LINGO2: variants seen among roughly 807,000 people sequenced by gnomAD.
LINGO2 encodes the protein leucine rich repeat and Ig domain containing 2, also known as leucine-rich repeat and immunoglobulin-like domain-containing nogo receptor-interacting protein 2.
LINGO2 carries 14 observed loss-of-function variants against 30.6 expected under a neutral mutation model. The ratio of observed to expected loss-of-function variants is 0.46; its 90% CI spans 0.30 to 0.72. The LOEUF is 0.72. Ranked by LOEUF, LINGO2 falls within the 30% of genes least tolerant of loss-of-function variation. The pLI, the probability that LINGO2 is intolerant of heterozygous loss-of-function variation, is 0.07. For missense variants in LINGO2, 729 were observed against 751.7 expected, an observed-to-expected ratio of 0.97 and a Z score of 0.35; for synonymous variants, 317 against 288.5, an observed-to-expected ratio of 1.10 and a Z score of -1.00.
chr9:29,211,039 C>T, the LINGO2 span, among the ~76,000 whole-genome samples: 2 of 152,158 alleles, frequency 1.3e-5, no homozygotes, highest in African/African-American at 4.8e-5. Flanking sequence ...AATGATGGAT[C>T]TCAGCTTCTA....
intron 4 of LINGO2, among the ~76,000 whole-genome samples, chr9:28,176,781 C>T (rs947058895): frequency 7.2e-5 from 11 of 152,112 alleles, no homozygotes; most frequent in African/African-American, 2.4e-4. Flanking sequence ...GACAATTGCC[C>T]TCAGCTCTTT....
intron 1 of LINGO2, among the ~76,000 whole-genome samples, chr9:28,573,205 T>C (rs745701960): frequency 6.6e-6 from 1 of 152,154 alleles, no homozygotes; most frequent in Admixed American, 6.6e-5. Context: ...GTCAGTCACA[T>C]AAGTAAAGAG....
At chr9:28,832,542 G>T in the LINGO2 span, among the ~76,000 whole-genome samples, 2 of 152,098 alleles carry the variant, frequency 1.3e-5, no homozygotes, top group Non-Finnish European at 2.9e-5. Context: ...CTGTTCTAGT[G>T]GGGTGACTTG....
chr9:29,073,513 A>G, the LINGO2 span, among the ~76,000 whole-genome samples: 1 of 152,220 alleles, frequency 6.6e-6, no homozygotes, highest in Non-Finnish European at 1.5e-5. Context: ...TAAAAGAATT[A>G]AAGAATTGTA....
the LINGO2 span, among the ~76,000 whole-genome samples, chr9:29,063,852 T>C: frequency 1.4e-5 from 2 of 144,320 alleles, no homozygotes; most frequent in Non-Finnish European, 2.9e-5. Context: ...CATTGTGTGA[T>C]TTTAAATACA....
At position 28,134,604 on chromosome 9, in the gene LINGO2, C is replaced by G. The variant is rs866024980; in HGVS notation, c.-86-122199G>C. ...CCGGAGAGCACAACACAGATACACT[C>G]TCTAAGAGTAAGGAATCCCCTGAAA... On this transcript the variant is annotated intron_variant, in intron 4 of 5. Transcript: ENST00000379992. 2.6e-5 allele frequency among the ~76,000 whole-genome samples: 4 copies of G among 152,266 alleles called. No homozygotes were observed. The South Asian group carries it at 8.3e-4, about 32-fold the overall frequency.
chr9:28,304,331 T>C (rs1364434854), intron 3 of LINGO2, among the ~76,000 whole-genome samples: 1 of 151,166 alleles, frequency 6.6e-6, no homozygotes, highest in Non-Finnish European at 1.5e-5. Flanking sequence ...GTATAATTTG[T>C]ATAATTACAT....
chr9:29,090,143 TAG>T, the LINGO2 span, among the ~76,000 whole-genome samples: 1 of 152,044 alleles, frequency 6.6e-6, no homozygotes, highest in African/African-American at 2.4e-5. Context: ...GATTGATATA[TAG>T]AGAGATTCTT....
At chr9:28,651,093 A>C (rs1828081897) in intron 1 of LINGO2, among the ~76,000 whole-genome samples, 1 of 151,666 alleles carries the variant, frequency 6.6e-6, no homozygotes, top group African/African-American at 2.4e-5. Flanking sequence ...CGGGAGGCTG[A>C]GAATGGCATG....
intron 4 of LINGO2, among the ~76,000 whole-genome samples, chr9:28,229,004 T>A (rs1449990624): frequency 6.6e-6 from 1 of 151,784 alleles, no homozygotes; most frequent in Non-Finnish European, 1.5e-5. Flanking sequence ...GCATCCAGTA[T>A]TTCCACATTT....
the LINGO2 span, among the ~76,000 whole-genome samples, chr9:29,124,081 C>A: frequency 6.6e-6 from 1 of 151,914 alleles, no homozygotes; most frequent in Admixed American, 6.6e-5. Context: ...CAATGGAACA[C>A]AACAGAGGCC....
intron 4 of LINGO2, among the ~76,000 whole-genome samples, chr9:28,109,553 G>C (rs576897301): frequency 6.6e-6 from 1 of 152,074 alleles, no homozygotes; most frequent in Non-Finnish European, 1.5e-5. Flanking sequence ...AAAGTCTCAG[G>C]ATACAAAATC....
intron 4 of LINGO2, among the ~76,000 whole-genome samples, chr9:28,048,069 A>G (rs1422362869): frequency 6.6e-6 from 1 of 150,988 alleles, no homozygotes; most frequent in African/African-American, 2.4e-5. Context: ...AACTGCATGT[A>G]CTGGCAGAAA....
the LINGO2 span, among the ~76,000 whole-genome samples, chr9:29,171,668 A>T: frequency 1.3e-5 from 2 of 151,972 alleles, no homozygotes; most frequent in Non-Finnish European, 2.9e-5. Context: ...TCAAACAGGT[A>T]TTCAATATAA....
chr9:28,470,474 A>T (rs1441780864), intron 2 of LINGO2, among the ~76,000 whole-genome samples: 5 of 152,182 alleles, frequency 3.3e-5, no homozygotes, highest in African/African-American at 1.2e-4. Context: ...ATGACTGGGA[A>T]AGTGATGGAG....
chr9:28,249,745 C>A (rs12352501), intron 4 of LINGO2, among the ~76,000 whole-genome samples: 32,383 of 152,056 alleles, frequency 0.21, 3,765 homozygotes, highest in East Asian at 0.26. Flanking sequence ...TTAAAGGAAA[C>A]AATGAGTTAT....
At chr9:27,993,745 T>A (rs1821512930) in intron 5 of LINGO2, among the ~76,000 whole-genome samples, 1 of 152,118 alleles carries the variant, frequency 6.6e-6, no homozygotes, top group Non-Finnish European at 1.5e-5. Flanking sequence ...AGAAAGGTAA[T>A]CTTACATTTT....
chr9:29,155,112 T>G, the LINGO2 span, among the ~76,000 whole-genome samples: 1 of 152,326 alleles, frequency 6.6e-6, no homozygotes, highest in South Asian at 2.1e-4. Context: ...TTCTTTTTAT[T>G]ATTATTCTGA....
the LINGO2 span, among the ~76,000 whole-genome samples, chr9:29,159,590 C>G: frequency 6.6e-6 from 1 of 152,080 alleles, no homozygotes; most frequent in Non-Finnish European, 1.5e-5. Context: ...GGTGCGGTGG[C>G]TCATGCCTGT....
Sources: allele counts gnomAD v4.1 joint callset (sites outside exome capture counted in the v4.1 genomes callset), GRCh38; gene constraint gnomAD v4.1.1; transcripts MANE v1.5; gene names NCBI Gene and HGNC (gene_info 2026-07-23, HGNC 2026-07-21).